The following FRAS1 variants were observed in gnomAD, a reference collection of about 807,000 sequenced individuals.
The protein encoded by FRAS1 is Fraser extracellular matrix complex subunit 1, also known as extracellular matrix organizing protein FRAS1.
A neutral mutation model predicts 435.2 loss-of-function variants in FRAS1; 290 were observed. The observed-to-expected ratio is 0.67, with a 90% CI of 0.61 to 0.73. The LOEUF is 0.73. FRAS1 is among the 30% of genes least tolerant of loss of function. The probability of loss-of-function intolerance (pLI) is 0.00; values close to 1 mark genes in which losing one functional copy is unlikely to be tolerated. For synonymous variants in FRAS1, 1,800 were observed against 1,851.0 expected (o/e 0.97, Z 0.71); for missense variants, 4,860 against 5,001.5 (o/e 0.97, Z 0.85).
chr4:78,475,388 T>C (rs1251201182), intron 53 of FRAS1, 50 bp from the exon 54 acceptor site: 3 of 1,608,944 alleles, frequency 1.9e-6, no homozygotes, highest in Non-Finnish European at 2.6e-6. Flanking sequence ...AAGTTGTTTT[T>C]TCATAACCAT....
chr4:78,478,802 A>G (rs1223606149), intron 55 of FRAS1, among the ~76,000 whole-genome samples: 2 of 152,254 alleles, frequency 1.3e-5, no homozygotes, highest in South Asian at 4.1e-4. Flanking sequence ...TGCCACTTGG[A>G]AAACAAGCAA....
Position 78,479,642 on chromosome 4 carries a change from G to A in FRAS1, c.8367G>A (p.Lys2789=). 6.2e-7 allele frequency: 1 copy of A among 1,613,822 alleles called. No individual in the cohort carries two copies. Among genetic ancestry groups the A allele is most frequent in the Non-Finnish European group, 8.5e-7 (1 of 1,179,752 alleles). ...NARIGRVATA[K]VLISGPNDAS... The stretch of plus-strand genomic sequence containing the variant: ...GCATTGGAAGGGTGGCGACAGCCAA[G>A]GTGCTCATTAGTGGTCCCAACGATG... The change falls in exon 56 of 74, where the codon AAG becomes AAA. Residue 2789 remains lysine (K), a synonymous_variant. Transcript: ENST00000512123.
chr4:78,381,250 T>C (rs1290055073), intron 27 of FRAS1, among the ~76,000 whole-genome samples: 3 of 152,222 alleles, frequency 2.0e-5, no homozygotes, highest in African/African-American at 4.8e-5. Flanking sequence ...TGGTGTTTGA[T>C]GCCATAGACT....
At chr4:78,061,378 A>G (rs1231740418) in intron 1 of FRAS1, among the ~76,000 whole-genome samples, 1 of 152,204 alleles carries the variant, frequency 6.6e-6, no homozygotes, top group Non-Finnish European at 1.5e-5. Context: ...TTCTGTTGAC[A>G]TATGGAAGTC....
At chr4:78,421,776 A>T in intron 33 of FRAS1, 87 bp from the exon 34 acceptor site, 1 of 1,455,768 alleles carries the variant, frequency 6.9e-7, no homozygotes, top group Non-Finnish European at 9.5e-7. Context: ...GACTCCCACC[A>T]ACAAGAAGAG....
In FRAS1 at chr4:78,466,444, T is replaced by TGAGG; in HGVS notation, c.7257+10_7257+13dup. The stretch of plus-strand genomic sequence containing the variant: ...AGGAAGGGGGAAAAGAGGTGAGGGG[T>TGAGG]GAGGACACTGGAGGAGGTAGCCTAG... On this transcript the variant is annotated intron_variant, in intron 50 of 73. Coordinates refer to ENST00000512123, the MANE Select transcript of FRAS1 (RefSeq NM_025074.7). The TGAGG allele has an allele frequency of 6.3e-7, 1 of 1,599,610 alleles. No individual in the cohort carries two copies. The highest frequency in any genetic ancestry group is 2.2e-5 in the East Asian group (1 of 44,600).
In FRAS1 at chr4:78,254,862, G is replaced by C. The variant is rs1725714995; in HGVS notation, c.470-380G>C. On this transcript the variant is annotated intron_variant, in intron 5 of 73. Coordinates refer to ENST00000512123, the MANE Select transcript of FRAS1 (RefSeq NM_025074.7). ...CTTTGGGCCTGGGAATGAAGGGTGG[G>C]AGGATACCCTCACAGACACCCCAGG... Among the ~76,000 whole-genome samples the C allele has an allele frequency of 5.3e-5, 8 of 152,202 alleles. 1 individual carries two copies. In the South Asian group the frequency reaches 1.7e-3, roughly 32 times the overall value.
chr4:78,517,084 TTAGA>T (rs1721235555), intron 66 of FRAS1, among the ~76,000 whole-genome samples: 1 of 152,210 alleles, frequency 6.6e-6, no homozygotes, highest in Admixed American at 6.5e-5. Context: ...TAAAAACTAG[TTAGA>T]TGTTTGTTCT....
intron 30 of FRAS1, among the ~76,000 whole-genome samples, chr4:78,401,563 A>T (rs1732892857): frequency 6.6e-6 from 1 of 152,170 alleles, no homozygotes; most frequent in Admixed American, 6.5e-5. Flanking sequence ...GGGGCTTGGG[A>T]TTTAATGTCC....
intron 30 of FRAS1, among the ~76,000 whole-genome samples, chr4:78,406,942 T>C (rs72867989): frequency 1.1e-3 from 173 of 152,330 alleles, no homozygotes; most frequent in African/African-American, 3.8e-3. Flanking sequence ...TGGAAAATTC[T>C]ACCCTGACCT....
At chr4:78,240,230 G>A (rs939775404) in intron 3 of FRAS1, among the ~76,000 whole-genome samples, 2 of 151,842 alleles carry the variant, frequency 1.3e-5, no homozygotes, top group Non-Finnish European at 2.9e-5. Flanking sequence ...GGCTTTTTTA[G>A]AAAAAAAGTA....
chr4:78,063,995 A>G (rs1198933674), intron 1 of FRAS1, among the ~76,000 whole-genome samples: 1 of 151,954 alleles, frequency 6.6e-6, no homozygotes, highest in Non-Finnish European at 1.5e-5. Context: ...GTTCATATGT[A>G]TTTATTTGAG....
chr4:78,074,832 T>C (rs1015440311), intron 2 of FRAS1, among the ~76,000 whole-genome samples: 2 of 152,192 alleles, frequency 1.3e-5, no homozygotes, highest in Non-Finnish European at 2.9e-5. Flanking sequence ...GAAGTCAAAA[T>C]ATCATCCTTT....
intron 2 of FRAS1, among the ~76,000 whole-genome samples, chr4:78,235,628 G>A (rs187349430): frequency 6.6e-6 from 1 of 152,270 alleles, no homozygotes; most frequent in East Asian, 1.9e-4. Context: ...GTCCAGCAAG[G>A]CTAACAGGAA....
chr4:78,175,382 G>A (rs1382294955), intron 2 of FRAS1, among the ~76,000 whole-genome samples: 3 of 152,090 alleles, frequency 2.0e-5, no homozygotes, highest in South Asian at 2.1e-4. Context: ...TGTGTGCCCC[G>A]GTAAGGAGGG....
At position 78,407,684 on chromosome 4, in the gene FRAS1, A is replaced by T. The variant is rs1733154215; in HGVS notation, c.4151A>T (p.Asn1384Ile). 3.1e-6 allele frequency: 5 copies of T among 1,612,768 alleles called. No individual in the cohort carries two copies. Among genetic ancestry groups the T allele is most frequent in the Non-Finnish European group, 4.2e-6 (5 of 1,179,342 alleles). The change falls in exon 31 of 74, where the codon AAT becomes ATT. Residue 1384 changes from asparagine (N) to isoleucine (I), a missense_variant. Physicochemically the swap from Asn to Ile is moderately radical, Grantham distance 149. Coordinates refer to ENST00000512123, the MANE Select transcript of FRAS1 (RefSeq NM_025074.7). ...CTAGGGGAGGTGGTCCTTCTAGTGA[A>T]TATGCCTGCAGACAGCCCTGCAGAT... ...PQFGEVVLLV[N>I]MPADSPADEG... is the part of the protein sequence containing the mutation.
At chr4:78,438,468 T>G (rs1460179639) in intron 38 of FRAS1, 102 bp from the exon 39 acceptor site, 1 of 1,131,794 alleles carries the variant, frequency 8.8e-7, no homozygotes, top group East Asian at 2.4e-5. Context: ...AAAGAGACTT[T>G]TCCAATTAGC....
chr4:78,114,735 C>T (rs565741574), intron 2 of FRAS1, among the ~76,000 whole-genome samples: 37 of 152,322 alleles, frequency 2.4e-4, no homozygotes, highest in Non-Finnish European at 3.7e-4. Flanking sequence ...TGGGCTGATA[C>T]GATGGGGTTT....
rs536288658 is a variant in FRAS1, at chr4:78,310,448, A to G, written c.1678+2239A>G. Reference sequence around the variant, plus strand: ...AGACTGGAGGCTGTAAGAGGTGGGAATCTGCTTTATCTGTACACATTTTGA... The same window carrying G: ...AGACTGGAGGCTGTAAGAGGTGGGAGTCTGCTTTATCTGTACACATTTTGA... On this transcript the variant is annotated intron_variant, in intron 15 of 73. Transcript: ENST00000512123. 2.6e-5 allele frequency among the ~76,000 whole-genome samples: 4 copies of G among 152,324 alleles called. No homozygotes were observed. The South Asian group carries it at 8.3e-4, about 32-fold the overall frequency.
Sources: gnomAD v4.1 joint callset for allele counts (sites outside exome capture counted in the v4.1 genomes callset) on GRCh38, gnomAD v4.1.1 for gene constraint, MANE v1.5 for transcripts, NCBI Gene and HGNC (gene_info 2026-07-23, HGNC 2026-07-21) for gene names.